HMBOX1: variants seen among roughly 807,000 people sequenced by gnomAD.
HMBOX1 encodes homeobox-containing protein 1.
In HMBOX1, 14 loss-of-function variants were observed where a neutral mutation model predicts 54.5. That is an observed-to-expected ratio of 0.26 (90% CI 0.17 to 0.40). HMBOX1 has a LOEUF of 0.40. HMBOX1 is among the 10% of genes least tolerant of loss of function. The pLI is 1.00. For missense variants in HMBOX1, 332 were observed against 514.4 expected, an observed-to-expected ratio of 0.65 and a Z score of 3.43; for synonymous variants, 160 against 181.0, an observed-to-expected ratio of 0.88 and a Z score of 0.93.
Position 28,970,215 on chromosome 8 carries a change from A to C in HMBOX1, c.196A>C (p.Ser66Arg). Residue 66 changes from serine to arginine, a missense_variant, in exon 3 of 10, where the codon AGC becomes CGC. Physicochemically the swap from Ser to Arg is moderately radical, Grantham distance 110 (BLOSUM62 -1). Transcript: ENST00000287701. This position sits in a 1 kb window ranked among gnomAD's most constrained non-coding sequence, Gnocchi z 4.3. The stretch of plus-strand genomic sequence containing the variant: ...TAGTGACAAGTTTGGAAGAAGGTCC[A>C]GCTATGGAGGAAGTTCATATGGGAA... The part of the protein sequence containing the change: ...EHSDKFGRRS[S>R]YGGSSYGNST... 1 of 1,614,252 alleles carries C rather than the reference A, an allele frequency of 6.2e-7. No homozygotes were observed. The highest frequency in any genetic ancestry group is 8.5e-7 in the Non-Finnish European group (1 of 1,180,032).
chr8:28,896,347 A>G (rs1189861497), intron 1 of HMBOX1, among the ~76,000 whole-genome samples: 2 of 152,228 alleles, frequency 1.3e-5, no homozygotes, highest in Non-Finnish European at 2.9e-5. Flanking sequence ...CATCAGTACA[A>G]TGTGTGTGTA....
At chr8:29,041,422 G>T (rs1198692549) in intron 6 of HMBOX1, among the ~76,000 whole-genome samples, 1 of 152,132 alleles carries the variant, frequency 6.6e-6, no homozygotes, top group Non-Finnish European at 1.5e-5. Context: ...TGGTGCCTTT[G>T]TCTATCATTA....
intron 2 of HMBOX1, 101 bp downstream of exon 2, chr8:28,963,991 G>C: frequency 2.3e-6 from 2 of 874,214 alleles, no homozygotes; most frequent in Non-Finnish European, 3.6e-6. Flanking sequence ...GACGTTTGTA[G>C]AGTTGAAAAG....
At chr8:29,042,388 CAT>C (rs1804965125) in intron 6 of HMBOX1, among the ~76,000 whole-genome samples, 1 of 152,154 alleles carries the variant, frequency 6.6e-6, no homozygotes, top group Admixed American at 6.5e-5. Context: ...GCAATTAACT[CAT>C]ATTAAATAAT....
chr8:29,000,649 A>T (rs916241917), intron 4 of HMBOX1, among the ~76,000 whole-genome samples: 30 of 152,376 alleles, frequency 2.0e-4, no homozygotes, highest in African/African-American at 6.5e-4. Context: ...GGTCAAATAA[A>T]GCAAGCCTTG....
At chr8:29,042,608 C>A (rs1436843270) in intron 6 of HMBOX1, 2 of 454,452 alleles carry the variant, frequency 4.4e-6, no homozygotes, top group Non-Finnish European at 8.8e-6. Context: ...ATTAAAAAAA[C>A]CAATTGGCCC....
In HMBOX1 at chr8:28,970,583, G is replaced by A. The variant is rs1246966130; in HGVS notation, c.500+64G>A. 1 of 1,032,364 alleles carries A rather than the reference G, an allele frequency of 9.7e-7. No homozygotes were observed. The highest frequency in any genetic ancestry group is 1.6e-5 in the African/African-American group (1 of 62,680). 64.0% of individuals were successfully genotyped at this position (1,032,364 alleles called of 1,614,324 possible). ...TGTATTCTTAGATTGTTTTTAAGTA[G>A]TATGCTGCGTTTCAGCTACTTAGCT... On this transcript the variant is annotated intron_variant, in intron 3 of 9. Transcript: ENST00000287701. The surrounding 1 kb of genome is among the most constrained non-coding windows in gnomAD (Gnocchi z 4.3).
intron 4 of HMBOX1, among the ~76,000 whole-genome samples, chr8:28,993,706 C>G (rs182707504): frequency 6.6e-6 from 1 of 152,112 alleles, no homozygotes; most frequent in Non-Finnish European, 1.5e-5. Context: ...GTCACAGACT[C>G]AACAATAATC....
At chr8:28,974,101 A>C (rs1360038976) in intron 3 of HMBOX1, among the ~76,000 whole-genome samples, 1 of 152,120 alleles carries the variant, frequency 6.6e-6, no homozygotes, top group Non-Finnish European at 1.5e-5. Context: ...GGCATGAGCC[A>C]CTGTGCCCAG....
chr8:28,955,927 T>C (rs1824340337), intron 1 of HMBOX1: 1 of 141,514 alleles, frequency 7.1e-6, no homozygotes, highest in Non-Finnish European at 1.5e-5. Context: ...CAGTCCAACT[T>C]GGGCGACAGA....
Position 29,018,862 on chromosome 8 carries a change from G to A in HMBOX1, c.800G>A (p.Arg267Gln). 1 of 1,614,116 alleles carries A rather than the reference G, an allele frequency of 6.2e-7. No homozygotes were observed. Among genetic ancestry groups the A allele is most frequent in the Non-Finnish European group, 8.5e-7 (1 of 1,180,006 alleles). Residue 267 changes from arginine (R) to glutamine (Q), a missense_variant, in exon 6 of 10, where the codon CGA (arginine) becomes CAA (glutamine). Arg to Gln is a conservative substitution (Grantham distance 43, BLOSUM62 1). Around this residue, in one of 4 missense-constraint regions of HMBOX1, gnomAD observed 117 missense variants for 220.0 expected, o/e 0.53. Coordinates refer to ENST00000287701, the MANE Select transcript of HMBOX1 (RefSeq NM_001135726.3). ...VSATSGTFRL[R>Q]RGSRFTWRKE... is the part of the protein sequence containing the mutation. Reference sequence around the variant, plus strand: ...GCCACATCTGGTACTTTCCGACTGCGACGAGGGAGTCGATTTACCTGGAGA... The same window carrying A: ...GCCACATCTGGTACTTTCCGACTGCAACGAGGGAGTCGATTTACCTGGAGA...
intron 6 of HMBOX1, among the ~76,000 whole-genome samples, chr8:29,033,404 C>G (rs949225225): frequency 1.3e-5 from 2 of 152,114 alleles, no homozygotes; most frequent in African/African-American, 4.8e-5. Context: ...ACAGCAGGAG[C>G]CTGGACATGA....
intron 1 of HMBOX1, among the ~76,000 whole-genome samples, chr8:28,932,133 T>C (rs1009380228): frequency 2.6e-5 from 4 of 152,200 alleles, no homozygotes; most frequent in Non-Finnish European, 4.4e-5. Flanking sequence ...AAGAATATTT[T>C]AGGCAGAATG....
chr8:28,910,241 G>A (rs1815158591), intron 1 of HMBOX1, among the ~76,000 whole-genome samples: 1 of 152,130 alleles, frequency 6.6e-6, no homozygotes, highest in Admixed American at 6.5e-5. Flanking sequence ...TTTGTAGCAT[G>A]TATCAATATT....
intron 4 of HMBOX1, among the ~76,000 whole-genome samples, chr8:29,005,865 GT>G (rs1218902979): frequency 6.6e-6 from 1 of 151,828 alleles, no homozygotes; most frequent in Non-Finnish European, 1.5e-5. Context: ...TGTGTTATAG[GT>G]TTTTCAGTTA....
chr8:29,049,623 C>T, intron 9 of HMBOX1: 5 of 464,950 alleles, frequency 1.1e-5, no homozygotes, highest in Non-Finnish European at 1.8e-5. Context: ...CTTCACCTCG[C>T]CCTGATTTAT....
In HMBOX1 at chr8:29,051,920, C is replaced by G. The variant is rs1490705882; in HGVS notation, c.*765C>G. 1 of 221,994 alleles carries G rather than the reference C, an allele frequency of 4.5e-6. No homozygotes were observed. The highest frequency in any genetic ancestry group is 5.4e-5 in the Admixed American group (1 of 18,416). The allele number at this position is 221,994 out of a possible 1,614,324, so 13.8% of individuals were successfully genotyped here. On this transcript the variant is annotated 3_prime_UTR_variant, in exon 10 of 10. Transcript: ENST00000287701. ...CATTAAAAAAAAAAAAAAAAAAAACCCAGCTTGAGAGCATTGGAAAAAAAA... is the reference window on the plus strand; with the variant it reads ...CATTAAAAAAAAAAAAAAAAAAAACGCAGCTTGAGAGCATTGGAAAAAAAA...
rs1554535395 is a variant in HMBOX1, at chr8:28,938,785, G to GACT, written c.-57-25025_-57-25024insCTA. On this transcript the variant is annotated intron_variant, in intron 1 of 9. Coordinates refer to ENST00000287701, the MANE Select transcript of HMBOX1 (RefSeq NM_001135726.3). The stretch of plus-strand genomic sequence containing the variant: ...TTCATTCACTTCATTTCTTTATCTG[G>GACT]AGTAGTCTTTTTCTATCTGTGGAAA... Among the ~76,000 whole-genome samples, 3 of 82,508 alleles carry GACT rather than the reference G, an allele frequency of 3.6e-5. No individual in the cohort carries two copies. In the Admixed American group the frequency reaches 4.4e-4, roughly 12 times the overall value. The allele number at this position is 82,508 out of a possible 152,430, so 54.1% of individuals were successfully genotyped here.
intron 4 of HMBOX1, among the ~76,000 whole-genome samples, chr8:28,989,865 CT>C (rs1830723258): frequency 6.6e-6 from 1 of 152,074 alleles, no homozygotes; most frequent in Non-Finnish European, 1.5e-5. Flanking sequence ...TTGTTTAGGT[CT>C]TTTTTATTTT....
Sources: gnomAD v4.1 joint callset for allele counts (sites outside exome capture counted in the v4.1 genomes callset) on GRCh38, gnomAD v4.1.1 for gene constraint, gnomAD v4.1.1 regional missense constraint, Gnocchi (gnomAD v3.1) non-coding constraint, MANE v1.5 for transcripts, NCBI Gene and HGNC (gene_info 2026-07-23, HGNC 2026-07-21) for gene names.